The following TRAPPC9 variants were observed in gnomAD, a reference collection of about 807,000 sequenced individuals.
The protein encoded by TRAPPC9 is trafficking protein particle complex subunit 9, also known as IKK2 binding protein.
Under a neutral mutation model 124.0 loss-of-function variants are expected in TRAPPC9, and 83 were observed. The ratio of observed to expected loss-of-function variants is 0.67; its 90% CI spans 0.56 to 0.80. TRAPPC9 has a LOEUF of 0.80. TRAPPC9 is among the 30% of genes least tolerant of loss of function. The probability of loss-of-function intolerance (pLI) is 0.00; values close to 1 mark genes in which losing one functional copy is unlikely to be tolerated. For synonymous variants in TRAPPC9, 638 were observed against 617.5 expected (o/e 1.03, Z -0.49); for missense variants, 1,302 against 1,508.3 (o/e 0.86, Z 2.27).
Position 140,283,921 on chromosome 8 carries a change from C to T in TRAPPC9, c.2082G>A (p.Leu694=), listed in dbSNP as rs756615054. Residue 694 remains leucine, a synonymous_variant, in exon 14 of 23, where the codon TTG becomes TTA. Transcript: ENST00000438773. ...SGSTVEVIPA[L]PRLQISTSLP... Reference sequence around the variant, plus strand: ...GAGAGGTGCTGATCTGCAGTCTTGGCAACGCGGGAATGACTTCCACTGTGG... The same window carrying T: ...GAGAGGTGCTGATCTGCAGTCTTGGTAACGCGGGAATGACTTCCACTGTGG... 53 of 1,613,992 alleles carry T rather than the reference C, an allele frequency of 3.3e-5. No individual in the cohort carries two copies. Among genetic ancestry groups the T allele is most frequent in the Non-Finnish European group, 4.4e-5 (52 of 1,180,038 alleles).
At chr8:139,947,647 G>A (rs1037264809) in intron 19 of TRAPPC9, among the ~76,000 whole-genome samples, 34 of 151,768 alleles carry the variant, frequency 2.2e-4, no homozygotes, top group African/African-American at 7.7e-4. Flanking sequence ...ATCACCTGAA[G>A]TCAGGAGTTT....
At chr8:139,778,966 G>A (rs993411200) in intron 21 of TRAPPC9, among the ~76,000 whole-genome samples, 5 of 152,002 alleles carry the variant, frequency 3.3e-5, no homozygotes, top group African/African-American at 1.2e-4. Flanking sequence ...ACTACACCAA[G>A]GCACACTATA....
At chr8:140,291,959 A>G (rs1588106238) in intron 11 of TRAPPC9, among the ~76,000 whole-genome samples, 1 of 152,316 alleles carries the variant, frequency 6.6e-6, no homozygotes, top group African/African-American at 2.4e-5. Flanking sequence ...CCTCCAGATG[A>G]GGACACAGCC....
chr8:140,114,206 G>C (rs2060834491), intron 17 of TRAPPC9, among the ~76,000 whole-genome samples: 1 of 151,956 alleles, frequency 6.6e-6, no homozygotes, highest in Admixed American at 6.6e-5. Context: ...CTCCAGGTCA[G>C]AAGGCTGTCC....
At chr8:140,347,454 G>A (rs1460860747) in intron 9 of TRAPPC9, among the ~76,000 whole-genome samples, 1 of 152,188 alleles carries the variant, frequency 6.6e-6, no homozygotes, top group African/African-American at 2.4e-5. Flanking sequence ...CTTCAGACAA[G>A]CTCCTGTGAG....
chr8:140,172,623 G>A (rs9694884), intron 17 of TRAPPC9, among the ~76,000 whole-genome samples: 123,791 of 152,116 alleles, frequency 0.81, 50,744 homozygotes, highest in East Asian at 1. Flanking sequence ...TGAGAGCTAC[G>A]ATCGCAGCAG....
At chr8:139,972,091 G>A (rs535521282) in intron 19 of TRAPPC9, among the ~76,000 whole-genome samples, 9 of 152,114 alleles carry the variant, frequency 5.9e-5, no homozygotes, top group Non-Finnish European at 1.3e-4. Context: ...TTCCTAAAGT[G>A]CTGGGATTAC....
chr8:140,142,430 G>A (rs928497186), intron 17 of TRAPPC9, among the ~76,000 whole-genome samples: 2 of 152,222 alleles, frequency 1.3e-5, no homozygotes, highest in Admixed American at 6.5e-5. Flanking sequence ...GGCCGGCACC[G>A]CAGCAGCCCC....
intron 8 of TRAPPC9, among the ~76,000 whole-genome samples, chr8:140,362,244 C>T (rs992635556): frequency 2.0e-5 from 3 of 152,154 alleles, no homozygotes; most frequent in Non-Finnish European, 2.9e-5. Context: ...TTAACACACA[C>T]GTGGATCAAG....
At chr8:140,069,473 C>T (rs1843033815) in intron 17 of TRAPPC9, among the ~76,000 whole-genome samples, 1 of 152,176 alleles carries the variant, frequency 6.6e-6, no homozygotes, top group Admixed American at 6.5e-5. Context: ...TGTTGCTTCA[C>T]TGAGGGCGGT....
At chr8:139,815,320 C>A (rs1824752296) in intron 21 of TRAPPC9, among the ~76,000 whole-genome samples, 1 of 151,974 alleles carries the variant, frequency 6.6e-6, no homozygotes, top group Non-Finnish European at 1.5e-5. Flanking sequence ...ATAACTTGCT[C>A]GAGGTCACAA....
chr8:139,995,328 G>T (rs1306456965), intron 18 of TRAPPC9, among the ~76,000 whole-genome samples: 2 of 152,206 alleles, frequency 1.3e-5, no homozygotes, highest in African/African-American at 4.8e-5. Context: ...GAAAGTAGGA[G>T]AATCCCTGAG....
intron 17 of TRAPPC9, among the ~76,000 whole-genome samples, chr8:140,037,661 C>T (rs1840984436): frequency 6.7e-6 from 1 of 150,068 alleles, no homozygotes; most frequent in African/African-American, 2.5e-5. Flanking sequence ...TACACATATA[C>T]ACACATACCC....
At chr8:140,288,768 G>A (rs774876171) in intron 12 of TRAPPC9, among the ~76,000 whole-genome samples, 8 of 152,244 alleles carry the variant, frequency 5.3e-5, no homozygotes, top group Admixed American at 2.6e-4. Context: ...ATTAACAAGC[G>A]ATCAAAACCG....
chr8:140,151,201 G>T (rs1279005984), intron 17 of TRAPPC9, among the ~76,000 whole-genome samples: 1 of 152,190 alleles, frequency 6.6e-6, no homozygotes, highest in Non-Finnish European at 1.5e-5. Context: ...GGGGAGCACA[G>T]CCTCAGGTGG....
intron 17 of TRAPPC9, among the ~76,000 whole-genome samples, chr8:140,113,989 C>T (rs1456472128): frequency 1.3e-5 from 2 of 152,184 alleles, no homozygotes; most frequent in Non-Finnish European, 2.9e-5. Flanking sequence ...AGAGCTGCCT[C>T]GAAGTCTCTG....
intron 17 of TRAPPC9, among the ~76,000 whole-genome samples, chr8:140,046,742 A>G (rs368563134): frequency 6.6e-6 from 1 of 152,232 alleles, no homozygotes; most frequent in Admixed American, 6.5e-5. Context: ...CCTTTTCTAA[A>G]TTAGAATTGC....
At chr8:140,324,753 G>A (rs189479392) in intron 9 of TRAPPC9, among the ~76,000 whole-genome samples, 3 of 152,286 alleles carry the variant, frequency 2.0e-5, no homozygotes. Context: ...CTGAGCAACA[G>A]AGGGACACCC....
intron 17 of TRAPPC9, among the ~76,000 whole-genome samples, chr8:140,138,990 T>C (rs958996919): frequency 2.0e-5 from 3 of 152,084 alleles, no homozygotes; most frequent in East Asian, 1.9e-4. Context: ...CTCAATGACA[T>C]CCTAATGCTC....
Sources: allele counts gnomAD v4.1 joint callset (sites outside exome capture counted in the v4.1 genomes callset), GRCh38; gene constraint gnomAD v4.1.1; transcripts MANE v1.5; gene names NCBI Gene and HGNC (gene_info 2026-07-23, HGNC 2026-07-21).